Variants in CAPN3 observed in about 807,000 individuals in gnomAD.
CAPN3 encodes calpain-3.
In CAPN3, 88 loss-of-function variants were observed where a neutral mutation model predicts 114.0. That is an observed-to-expected ratio of 0.77 (90% CI 0.65 to 0.92). CAPN3 has a LOEUF of 0.92. CAPN3 is among the 40% of genes least tolerant of loss of function. The pLI is 0.00. For missense variants in CAPN3, 1,028 were observed against 1,069.0 expected, an observed-to-expected ratio of 0.96 and a Z score of 0.53; for synonymous variants, 386 against 382.9, an observed-to-expected ratio of 1.01 and a Z score of -0.09.
At position 42,387,771 on chromosome 15, in the gene CAPN3, TG is replaced by T; in HGVS notation, c.520del (p.Val174TrpfsTer5). On this transcript the variant is annotated frameshift_variant, in exon 4 of 24. Transcript: ENST00000397163. LOFTEE classifies it high-confidence loss of function. The stretch of plus-strand genomic sequence containing the variant: ...TGTGCAGTTCTGGCGCTATGGAGAG[TG>T]GGTGGACGTGGTTATAGATGACTGC... ...FHFQFWRYGE[W>X]VDVVIDDCLP... 1 of 1,614,058 alleles carries T rather than the reference TG, an allele frequency of 6.2e-7. No homozygotes were observed. Among genetic ancestry groups the T allele is most frequent in the Non-Finnish European group, 8.5e-7 (1 of 1,179,992 alleles).
chr15:42,364,582 C>T (rs1272706254), intron 1 of CAPN3, among the ~76,000 whole-genome samples: 1 of 152,196 alleles, frequency 6.6e-6, no homozygotes, highest in African/African-American at 2.4e-5. Flanking sequence ...GTGAATGCTC[C>T]CCTCATGGGC....
chr15:42,384,975 T>A (rs28364390), intron 2 of CAPN3, among the ~76,000 whole-genome samples: 24,859 of 152,222 alleles, frequency 0.16, 2,202 homozygotes, highest in South Asian at 0.26. Context: ...ACTGGAACCC[T>A]TGTTTAAATT....
Position 42,411,868 on chromosome 15 carries a change from C to A in CAPN3, c.*95C>A, listed in dbSNP as rs2054262533. 2.5e-6 allele frequency: 4 copies of A among 1,605,362 alleles called. No homozygotes were observed. The highest frequency in any genetic ancestry group is 2.7e-5 in the African/African-American group (2 of 74,892). On this transcript the variant is annotated 3_prime_UTR_variant, in exon 24 of 24. Coordinates refer to ENST00000397163, the MANE Select transcript of CAPN3 (RefSeq NM_000070.3). ...CCATTTACCTCAAAGGACCCAGCAG[C>A]TACACCCCTACAGGCTTCCAGGCAC... is the stretch of plus-strand genomic sequence containing the variant.
rs1555423222 is a variant in CAPN3 at position 42,411,001 on chromosome 15, G to A, written c.2380+1G>A. 2 of 1,607,854 alleles carry A rather than the reference G, an allele frequency of 1.2e-6. No individual in the cohort carries two copies. The highest frequency in any genetic ancestry group is 1.7e-6 in the Non-Finnish European group (2 of 1,174,364). On this transcript the variant is annotated splice_donor_variant, in intron 22 of 23. Transcript: ENST00000397163. LOFTEE classifies it high-confidence loss of function. ...TTCGTTAGGCTGGAGGGCATGTTCAGTAAGTGGGAGAGGGGGGCTGCCCTC... is the reference window on the plus strand; with the variant it reads ...TTCGTTAGGCTGGAGGGCATGTTCAATAAGTGGGAGAGGGGGGCTGCCCTC...
chr15:42,401,503 T>G (rs2053867287), intron 10 of CAPN3, 138 bp from the exon 11 acceptor site: 2 of 255,048 alleles, frequency 7.8e-6, no homozygotes, highest in Non-Finnish European at 1.5e-5. Context: ...ATTAGAGAAA[T>G]GCCTGAATCG....
rs2289293 is a variant in CAPN3, at chr15:42,408,354, G to A, written c.1914+30G>A. 0.013 allele frequency: 18,994 copies of A among 1,414,414 alleles called. 1,179 individuals carry two copies. The African/African-American group carries it at 0.17, about 12-fold the overall frequency. 87.6% of individuals were successfully genotyped at this position (1,414,414 alleles called of 1,614,324 possible). On this transcript the variant is annotated intron_variant, in intron 16 of 23. Coordinates refer to ENST00000397163, the MANE Select transcript of CAPN3 (RefSeq NM_000070.3). Reference sequence around the variant, plus strand: ...CTGGGCATGTGGCATGGGTGGGGTGGCCAGCACGCTACAGGGGCTTCCTAT... The same window carrying A: ...CTGGGCATGTGGCATGGGTGGGGTGACCAGCACGCTACAGGGGCTTCCTAT...
intron 2 of CAPN3, 117 bp from the exon 3 acceptor site, chr15:42,386,050 G>A: frequency 5.1e-6 from 4 of 782,798 alleles, no homozygotes; most frequent in South Asian, 1.3e-5. Context: ...GGAAGTAGGA[G>A]AGTGGGCACC....
Position 42,399,484 on chromosome 15 carries a change from C to T in CAPN3, c.1194-8C>T, listed in dbSNP as rs576894203. 6.2e-7 allele frequency: 1 copy of T among 1,612,276 alleles called. No individual in the cohort carries two copies. The highest frequency in any genetic ancestry group is 1.1e-5 in the South Asian group (1 of 91,036). On this transcript the variant is annotated splice_polypyrimidine_tract_variant and splice_region_variant and intron_variant, in intron 9 of 23. Transcript: ENST00000397163. Reference sequence around the variant, plus strand: ...CATATGGCTCTCTCTCTTCTTCCAACCTCTCAGGATGTCCTATGAGGATTT... The same window carrying T: ...CATATGGCTCTCTCTCTTCTTCCAATCTCTCAGGATGTCCTATGAGGATTT...
chr15:42,411,628 T>C, intron 23 of CAPN3, 119 bp from the exon 24 acceptor site: 1 of 746,994 alleles, frequency 1.3e-6, no homozygotes. Flanking sequence ...TGGAAAATCT[T>C]CTGGGGGTCT....
chr15:42,386,087 A>G, intron 2 of CAPN3, 80 bp from the exon 3 acceptor site: 13 of 953,074 alleles, frequency 1.4e-5, no homozygotes, highest in Non-Finnish European at 2.2e-5. Flanking sequence ...AGGGAAGTGG[A>G]GTGGCTGGCT....
chr15:42,377,798 G>C (rs569116200), intron 1 of CAPN3, among the ~76,000 whole-genome samples: 127 of 152,190 alleles, frequency 8.3e-4, no homozygotes, highest in Admixed American at 2.1e-3. Flanking sequence ...ATCTGGTTCT[G>C]GTGCCTTCTT....
At chr15:42,398,575 C>T (rs1215749637) in intron 9 of CAPN3, among the ~76,000 whole-genome samples, 1 of 146,006 alleles carries the variant, frequency 6.8e-6, no homozygotes, top group Non-Finnish European at 1.5e-5. Context: ...CAGAGCGAGA[C>T]TCTGTCTCAA....
chr15:42,410,708 G>A (rs371604998), intron 21 of CAPN3, 42 bp downstream of exon 21: 47 of 1,541,270 alleles, frequency 3.0e-5, no homozygotes, highest in African/African-American at 3.0e-4. Flanking sequence ...GACCCGAGAC[G>A]GTGGGAGCAG....
intron 3 of CAPN3, 71 bp downstream of exon 3, chr15:42,386,356 TC>T: frequency 9.4e-7 from 1 of 1,069,412 alleles, no homozygotes; most frequent in Non-Finnish European, 1.5e-6. Context: ...GGCCTTGACT[TC>T]CCAGAAGCTG....
chr15:42,382,133 T>A (rs1374896533), intron 1 of CAPN3, among the ~76,000 whole-genome samples: 1 of 152,234 alleles, frequency 6.6e-6, no homozygotes, highest in Non-Finnish European at 1.5e-5. Context: ...AAGGCCTTGC[T>A]ACTGGAAAGT....
chr15:42,404,652 C>A, intron 14 of CAPN3: 3 of 1,182,264 alleles, frequency 2.5e-6, no homozygotes, highest in Non-Finnish European at 3.2e-6. Context: ...GTTGAGGAGT[C>A]TTGTGACTGC....
At position 42,410,610 on chromosome 15, in the gene CAPN3, C is replaced by G. The variant is rs745655567; in HGVS notation, c.2207C>G (p.Thr736Arg). Residue 736 changes from threonine to arginine, a missense_variant, in exon 21 of 24, where the codon ACA becomes AGA. Thr to Arg is a moderately conservative substitution (Grantham distance 71, BLOSUM62 -1). Coordinates refer to ENST00000397163, the MANE Select transcript of CAPN3 (RefSeq NM_000070.3). ...AWQKIFKHYD[T>R]DQSGTINSYE... ...CAGAAAATTTTCAAACACTATGACA[C>G]AGACCAGTCCGGCACCATCAACAGC... 6.2e-7 allele frequency: 1 copy of G among 1,614,002 alleles called. No individual in the cohort carries two copies. The highest frequency in any genetic ancestry group is 1.7e-5 in the Admixed American group (1 of 60,000).
rs768426565 is a variant in CAPN3 at position 42,387,844 on chromosome 15, G to A, written c.590G>A (p.Arg197His). ...CTGGTTTTCACCAAGTCCAACCACC[G>A]CAATGAGTTCTGGAGTGCTCTGCTG... ...NQLVFTKSNHRNEFWSALLEK... is the reference protein window; with the variant it reads ...NQLVFTKSNHHNEFWSALLEK... The change falls in exon 4 of 24, where the codon CGC becomes CAC. Residue 197 changes from arginine (R) to histidine (H), a missense_variant. Coordinates refer to ENST00000397163, the MANE Select transcript of CAPN3 (RefSeq NM_000070.3). 62 of 1,614,040 alleles carry A rather than the reference G, an allele frequency of 3.8e-5. No homozygotes were observed. Among genetic ancestry groups the A allele is most frequent in the East Asian group, 1.1e-4 (5 of 44,892 alleles).
rs1315890896 is a variant in CAPN3 at position 42,411,321 on chromosome 15, TATC to T, written c.2420_2422del (p.Ile807del). ...ATGCATTTGACAAGGATGGAGATGG[TATC>T]ATCAAGCTCAACGTTCTGGAGGTAA... On this transcript the variant is annotated inframe_deletion, in exon 23 of 24. Transcript: ENST00000397163. The T allele has an allele frequency of 6.2e-7, 1 of 1,614,122 alleles. No homozygotes were observed.
Sources: gnomAD v4.1 joint callset for allele counts (sites outside exome capture counted in the v4.1 genomes callset) on GRCh38, gnomAD v4.1.1 for gene constraint, MANE v1.5 for transcripts, NCBI Gene and HGNC (gene_info 2026-07-23, HGNC 2026-07-21) for gene names.